Variants in SS18L1 observed in about 807,000 individuals in gnomAD.
SS18L1 encodes SS18L1 subunit of BAF chromatin remodeling complex, also known as calcium-responsive transactivator.
SS18L1 carries 32 observed loss-of-function variants against 70.3 expected under a neutral mutation model. That is an observed-to-expected ratio of 0.46 (90% confidence interval 0.34 to 0.61). The LOEUF (loss-of-function observed/expected upper bound fraction) is 0.61, where lower values mean the gene tolerates loss of function less well. Among genes scored for constraint, SS18L1 ranks in the 20% least tolerant of loss-of-function variants. The probability of loss-of-function intolerance (pLI) is 0.01; values close to 1 mark genes in which losing one functional copy is unlikely to be tolerated. For synonymous variants in SS18L1, 237 were observed against 229.7 expected (o/e 1.03, Z -0.29); for missense variants, 430 against 542.1 (o/e 0.79, Z 2.05).
chr20:62,148,923 C>G (rs1220724173), intron 1 of SS18L1, among the ~76,000 whole-genome samples: 1 of 152,252 alleles, frequency 6.6e-6, no homozygotes, highest in Non-Finnish European at 1.5e-5. Flanking sequence ...TCCCTGTCTG[C>G]CATCCAGTCG....
intron 1 of SS18L1, among the ~76,000 whole-genome samples, chr20:62,157,129 C>T (rs1008556282): frequency 2.0e-5 from 3 of 152,186 alleles, no homozygotes; most frequent in African/African-American, 4.8e-5. Flanking sequence ...GCCGGCTCTC[C>T]TGTGCCTGCT....
Position 62,158,167 on chromosome 20 carries a change from A to G in SS18L1, c.70-505A>G, listed in dbSNP as rs1352949589. Among the ~76,000 whole-genome samples, 1 of 151,956 alleles carries G rather than the reference A, an allele frequency of 6.6e-6. No homozygotes were observed. Among genetic ancestry groups the G allele is most frequent in the Non-Finnish European group, 1.5e-5 (1 of 68,006 alleles). ...CATCGGCTTGGCTGACCCTTGCTGC[A>G]CAGATGCTCTGCCGTCAAGGGCCCT... On this transcript the variant is annotated intron_variant, in intron 1 of 10. Coordinates refer to ENST00000331758, the MANE Select transcript of SS18L1 (RefSeq NM_198935.3). The surrounding 1 kb of genome is among the most constrained non-coding windows in gnomAD (Gnocchi z 4.5).
At chr20:62,150,888 A>G (rs955074304) in intron 1 of SS18L1, among the ~76,000 whole-genome samples, 3 of 152,194 alleles carry the variant, frequency 2.0e-5, no homozygotes, top group Non-Finnish European at 4.4e-5. Context: ...CACAGGCTCC[A>G]TGCCAGACGC....
chr20:62,151,349 C>T (rs1038543748), intron 1 of SS18L1, among the ~76,000 whole-genome samples: 5 of 152,202 alleles, frequency 3.3e-5, no homozygotes, highest in African/African-American at 1.2e-4. Context: ...CCCCGTCAGT[C>T]CCCGCTTGCC....
At chr20:62,170,961 A>G (rs67204050) in intron 8 of SS18L1, among the ~76,000 whole-genome samples, 22,593 of 150,428 alleles carry the variant, frequency 0.15, 2,195 homozygotes, top group African/African-American at 0.27. Flanking sequence ...GAGTGCAGTG[A>G]TGCGATCTCG....
Position 62,162,849 on chromosome 20 carries a change from C to T in SS18L1, c.474C>T (p.Ala158=), listed in dbSNP as rs1373618958. 1.9e-6 allele frequency: 3 copies of T among 1,612,928 alleles called. No homozygotes were observed. The highest frequency in any genetic ancestry group is 3.3e-4 in the Middle Eastern group (2 of 6,060). The change falls in exon 5 of 11, where the codon GCC becomes GCT. Residue 158 remains alanine, a synonymous_variant. Coordinates refer to ENST00000331758, the MANE Select transcript of SS18L1 (RefSeq NM_198935.3). ...CCGGCTACAGCCACGCGGGACCCGC[C>T]TCGCAGGGCGTCCCCATGCAGGGGC... is the stretch of plus-strand genomic sequence containing the variant. ...SGPGYSHAGP[A]SQGVPMQGQG...
Position 62,174,445 on chromosome 20 carries a change from T to A in SS18L1, c.1037-72T>A, listed in dbSNP as rs975576109. 7.5e-5 allele frequency: 115 copies of A among 1,541,738 alleles called. No individual in the cohort carries two copies. The highest frequency in any genetic ancestry group is 7.4e-4 in the Admixed American group (34 of 45,822). ...GGAGAAGAGGAAGTTTTAAAAAAAA[T>A]TTTTAAGTTAAGAAAAAAAAAGAAA... On this transcript the variant is annotated intron_variant, in intron 9 of 10. Transcript: ENST00000331758. This position sits in a 1 kb window ranked among gnomAD's most constrained non-coding sequence, Gnocchi z 4.1.
Position 62,174,371 on chromosome 20 carries a change from G to T in SS18L1, c.1037-146G>T. 1 of 1,373,178 alleles carries T rather than the reference G, an allele frequency of 7.3e-7. No individual in the cohort carries two copies. The highest frequency in any genetic ancestry group is 2.5e-5 in the East Asian group (1 of 39,588). The allele number at this position is 1,373,178 out of a possible 1,614,324, so 85.1% of individuals were successfully genotyped here. Reference sequence around the variant, plus strand: ...GTGGAGCCACGTGCAGGTGCCAGGTGTTCTGGAGATTGACAAAAGGCTGAT... The same window carrying T: ...GTGGAGCCACGTGCAGGTGCCAGGTTTTCTGGAGATTGACAAAAGGCTGAT... On this transcript the variant is annotated intron_variant, in intron 9 of 10. Transcript: ENST00000331758. The surrounding 1 kb of genome is among the most constrained non-coding windows in gnomAD (Gnocchi z 4.1).
At chr20:62,175,950 C>T (rs2057613445) in intron 10 of SS18L1, among the ~76,000 whole-genome samples, 1 of 152,226 alleles carries the variant, frequency 6.6e-6, no homozygotes, top group South Asian at 2.1e-4. Flanking sequence ...GACGCAGGGG[C>T]CGCCTCTCCC....
intron 1 of SS18L1, among the ~76,000 whole-genome samples, chr20:62,153,501 T>C (rs1416163201): frequency 2.0e-5 from 3 of 151,408 alleles, no homozygotes; most frequent in African/African-American, 7.3e-5. Flanking sequence ...CCCTCCCCGC[T>C]GCACACCTGC....
intron 1 of SS18L1, among the ~76,000 whole-genome samples, chr20:62,152,655 CT>C (rs35659450): frequency 0.059 from 9,037 of 152,248 alleles, 343 homozygotes; most frequent in African/African-American, 0.095. Flanking sequence ...TGAATGGCTT[CT>C]TTGTTCAGCT....
intron 8 of SS18L1, among the ~76,000 whole-genome samples, chr20:62,166,753 C>T (rs1247829063): frequency 6.6e-6 from 1 of 151,012 alleles, no homozygotes; most frequent in African/African-American, 2.5e-5. Context: ...GGTGAAACCC[C>T]GTCTCTACTA....
rs903244937 is a variant in SS18L1 at position 62,174,804 on chromosome 20, A to G, written c.1164+160A>G. On this transcript the variant is annotated intron_variant, in intron 10 of 10. Transcript: ENST00000331758. This position sits in a 1 kb window ranked among gnomAD's most constrained non-coding sequence, Gnocchi z 4.1. ...CTCTGAGCCTGTAAGGTTTTGCAGA[A>G]TTGCCTCTGTGTATACGCTCACCTC... is the stretch of plus-strand genomic sequence containing the variant. 5 of 1,529,862 alleles carry G rather than the reference A, an allele frequency of 3.3e-6. No homozygotes were observed. In the African/African-American group the frequency reaches 6.9e-5, roughly 21 times the overall value. The allele number at this position is 1,529,862 out of a possible 1,614,324, so 94.8% of individuals were successfully genotyped here. A position where few individuals can be genotyped will look rare whatever the true frequency, so the allele number is the denominator to read the frequency against.
At chr20:62,172,280 T>G (rs577161644) in intron 8 of SS18L1, among the ~76,000 whole-genome samples, 18 of 151,658 alleles carry the variant, frequency 1.2e-4, no homozygotes, top group Non-Finnish European at 1.9e-4. Flanking sequence ...TGTGCCCTCA[T>G]TGCACCACTG....
rs149403754 is a variant in SS18L1 at position 62,162,782 on chromosome 20, C to T, written c.407C>T (p.Ala136Val). The T allele has an allele frequency of 2.1e-5, 34 of 1,612,154 alleles. No homozygotes were observed. The highest frequency in any genetic ancestry group is 1.1e-4 in the East Asian group (5 of 44,836). Residue 136 changes from alanine (A) to valine (V), a missense_variant, in exon 5 of 11, where the codon GCG becomes GTG. Transcript: ENST00000331758. ...GPSHVSMQQT[A>V]PNTLPTTSMS... ...AGCCACGTGTCCATGCAGCAGACGG[C>T]GCCTAACACGCTGCCCACCACCTCC...
rs1232642019 is a variant in SS18L1, at chr20:62,161,018, G to A, written c.232-418G>A. Reference sequence around the variant, plus strand: ...CATGCAGCAGGAGCACGGGAAACAGGAGAGGGATCCCACCTCTGCCGAAGC... The same window carrying A: ...CATGCAGCAGGAGCACGGGAAACAGAAGAGGGATCCCACCTCTGCCGAAGC... On this transcript the variant is annotated intron_variant, in intron 3 of 10. Coordinates refer to ENST00000331758, the MANE Select transcript of SS18L1 (RefSeq NM_198935.3). The surrounding 1 kb of genome is among the most constrained non-coding windows in gnomAD (Gnocchi z 4.4). Among the ~76,000 whole-genome samples, 1 of 151,872 alleles carries A rather than the reference G, an allele frequency of 6.6e-6. No homozygotes were observed. Among genetic ancestry groups the A allele is most frequent in the African/African-American group, 2.4e-5 (1 of 41,360 alleles).
chr20:62,152,264 C>G (rs1424773476), intron 1 of SS18L1, among the ~76,000 whole-genome samples: 1 of 152,198 alleles, frequency 6.6e-6, no homozygotes, highest in African/African-American at 2.4e-5. Context: ...GCGGGTCGCA[C>G]CTCCTCACTG....
chr20:62,162,802 A>G lies in SS18L1; in HGVS notation c.427A>G (p.Thr143Ala). The change falls in exon 5 of 11, where the codon ACC becomes GCC. Residue 143 changes from threonine (T) to alanine (A), a missense_variant. By Grantham distance (58) the Thr-to-Ala change is moderately conservative. Coordinates refer to ENST00000331758, the MANE Select transcript of SS18L1 (RefSeq NM_198935.3). Reference sequence around the variant, plus strand: ...GACGGCGCCTAACACGCTGCCCACCACCTCCATGAGCATCTCTGGGCCCGG... The same window carrying G: ...GACGGCGCCTAACACGCTGCCCACCGCCTCCATGAGCATCTCTGGGCCCGG... ...QQTAPNTLPT[T>A]SMSISGPGYS... 1 of 1,612,202 alleles carries G rather than the reference A, an allele frequency of 6.2e-7. No individual in the cohort carries two copies. Among genetic ancestry groups the G allele is most frequent in the Non-Finnish European group, 8.5e-7 (1 of 1,179,832 alleles).
chr20:62,172,330 A>G (rs968011465), intron 8 of SS18L1, among the ~76,000 whole-genome samples: 19 of 91,914 alleles, frequency 2.1e-4, no homozygotes, highest in Admixed American at 1.6e-3. Flanking sequence ...CTGTCTCTGA[A>G]AAAAAAAAAA....
Sources: allele counts gnomAD v4.1 joint callset (sites outside exome capture counted in the v4.1 genomes callset), GRCh38; gene constraint gnomAD v4.1.1; non-coding constraint Gnocchi (gnomAD v3.1); transcripts MANE v1.5; gene names NCBI Gene and HGNC (gene_info 2026-07-23, HGNC 2026-07-21).